Variants in EXOC2 observed in about 807,000 individuals in gnomAD.
EXOC2 encodes SEC5-like 1.
A neutral mutation model predicts 131.8 loss-of-function variants in EXOC2; 70 were observed. The ratio of observed to expected loss-of-function variants is 0.53; its 90% CI spans 0.44 to 0.65. The LOEUF is 0.65. EXOC2 is among the 30% of genes least tolerant of loss of function. The pLI is 0.00. For synonymous variants in EXOC2, 411 were observed against 398.4 expected (o/e 1.03, Z -0.38); for missense variants, 923 against 1,108.6 (o/e 0.83, Z 2.38).
intron 21 of EXOC2, 47 bp downstream of exon 21, chr6:553,807 T>C (rs764174643): frequency 4.6e-6 from 7 of 1,520,166 alleles, no homozygotes; most frequent in Non-Finnish European, 5.5e-6. Flanking sequence ...GAAATTGTTG[T>C]TACACAGTTT....
chr6:658,665 A>ATT (rs10657323), intron 1 of EXOC2, among the ~76,000 whole-genome samples: 8,075 of 115,496 alleles, frequency 0.07, 552 homozygotes, highest in Non-Finnish European at 0.1. Context: ...ATATATATAT[A>ATT]TTTTTTTTTT....
rs1168126087 is a variant in EXOC2 at position 607,836 on chromosome 6, T to C, written c.742+2262A>G. Among the ~76,000 whole-genome samples, 4 of 152,124 alleles carry C rather than the reference T, an allele frequency of 2.6e-5. No homozygotes were observed. The East Asian group carries it at 7.7e-4, about 29-fold the overall frequency. ...ACACAGACATGAGAAACACATATCA[T>C]GAAAACAAAAAACAATTTCTTTTTT... On this transcript the variant is annotated intron_variant, in intron 7 of 27. Coordinates refer to ENST00000230449, the MANE Select transcript of EXOC2 (RefSeq NM_018303.6).
In EXOC2 at chr6:533,051, TA is replaced by T. The variant is rs1330403603; in HGVS notation, c.2239-442del. On this transcript the variant is annotated intron_variant, in intron 22 of 27. Transcript: ENST00000230449. ...CCAGTGGAAGGGGAAGAGAGCCCCT[TA>T]TAAAACCATTAGATCCCATTAGAAC... is the stretch of plus-strand genomic sequence containing the variant. Among the ~76,000 whole-genome samples, 7 of 152,154 alleles carry T rather than the reference TA, an allele frequency of 4.6e-5. No homozygotes were observed. In the East Asian group the frequency reaches 1.4e-3, roughly 29 times the overall value.
rs1388866598 is a variant in EXOC2 at position 489,114 on chromosome 6, A to T, written c.2622-76T>A. On this transcript the variant is annotated intron_variant, in intron 26 of 27. Transcript: ENST00000230449. The stretch of plus-strand genomic sequence containing the variant: ...CTGACAAATTCTTAAGCATCCCTTA[A>T]TTATTGAGAAGCCAATAAAAGCCAG... 2.2e-6 allele frequency: 3 copies of T among 1,370,390 alleles called. No homozygotes were observed. The African/African-American group carries it at 4.3e-5, about 20-fold the overall frequency. 84.9% of individuals were successfully genotyped at this position (1,370,390 alleles called of 1,614,324 possible). A position where few individuals can be genotyped will look rare whatever the true frequency, so the allele number is the denominator to read the frequency against.
intron 22 of EXOC2, among the ~76,000 whole-genome samples, chr6:546,389 T>C (rs1389822028): frequency 6.6e-6 from 1 of 152,172 alleles, no homozygotes; most frequent in Non-Finnish European, 1.5e-5. Context: ...AGAAGATGAT[T>C]TGGATACCCT....
rs375344491 is a variant in EXOC2 at position 524,765 on chromosome 6, C to T, written c.2380+7704G>A. 7 of 152,228 alleles carry T rather than the reference C, an allele frequency of 4.6e-5. No individual in the cohort carries two copies. The South Asian group carries it at 1.5e-3, about 32-fold the overall frequency. 9.4% of individuals were successfully genotyped at this position (152,228 alleles called of 1,614,324 possible). A position where few individuals can be genotyped will look rare whatever the true frequency, so the allele number is the denominator to read the frequency against. On this transcript the variant is annotated intron_variant, in intron 23 of 27. Coordinates refer to ENST00000230449, the MANE Select transcript of EXOC2 (RefSeq NM_018303.6). ...CAACTTAATAAATATAGAAATTTTT[C>T]TATATTTAATCATCTTTTAAAAAAT...
At chr6:624,156 A>G (rs9405862) in intron 4 of EXOC2, among the ~76,000 whole-genome samples, 138,635 of 152,224 alleles carry the variant, frequency 0.91, 63,319 homozygotes, top group East Asian at 1. Flanking sequence ...TAAATGAGTT[A>G]GAAAAAACAA....
At chr6:637,231 T>G (rs1440957518) in intron 2 of EXOC2, among the ~76,000 whole-genome samples, 1 of 152,122 alleles carries the variant, frequency 6.6e-6, no homozygotes, top group Non-Finnish European at 1.5e-5. Context: ...TGAGGACACA[T>G]GCCCGCCAGG....
chr6:499,470 CACAG>C (rs1394946840), intron 24 of EXOC2, among the ~76,000 whole-genome samples, 171 bp downstream of exon 24: 1 of 145,126 alleles, frequency 6.9e-6, no homozygotes, highest in Non-Finnish European at 1.5e-5. Context: ...CACACACACA[CACAG>C]AGACAGAGAG....
intron 1 of EXOC2, among the ~76,000 whole-genome samples, chr6:675,201 G>C (rs1764053670): frequency 1.3e-5 from 2 of 152,104 alleles, no homozygotes; most frequent in African/African-American, 2.4e-5. Flanking sequence ...CATTTTAAAA[G>C]TCTTCCCTTT....
chr6:533,068 C>T (rs1766193682), intron 22 of EXOC2, among the ~76,000 whole-genome samples: 1 of 151,990 alleles, frequency 6.6e-6, no homozygotes, highest in Non-Finnish European at 1.5e-5. Flanking sequence ...CCATTAGATC[C>T]CATTAGAACT....
At chr6:619,323 C>A in intron 5 of EXOC2, 107 bp downstream of exon 5, 1 of 828,346 alleles carries the variant, frequency 1.2e-6, no homozygotes, top group South Asian at 1.7e-5. Context: ...AGACCTAAAA[C>A]CATGTAACTG....
At chr6:557,436 G>A (rs1757472714) in intron 17 of EXOC2, among the ~76,000 whole-genome samples, 2 of 152,014 alleles carry the variant, frequency 1.3e-5, no homozygotes, top group African/African-American at 4.8e-5. Flanking sequence ...TGGCCAACAT[G>A]GTGAAAACCC....
intron 23 of EXOC2, among the ~76,000 whole-genome samples, chr6:514,833 AG>A (rs1319812245): frequency 1.3e-5 from 2 of 152,100 alleles, no homozygotes; most frequent in Non-Finnish European, 2.9e-5. Context: ...TCCCAGGAGG[AG>A]GGGAGGAGGG....
chr6:539,671 T>G (rs1766692856), intron 22 of EXOC2, among the ~76,000 whole-genome samples: 1 of 152,276 alleles, frequency 6.6e-6, no homozygotes, highest in Non-Finnish European at 1.5e-5. Context: ...ATTTGTGATT[T>G]TAAAAACTTT....
At chr6:495,346 G>C (rs575481744) in intron 25 of EXOC2, among the ~76,000 whole-genome samples, 51 of 151,240 alleles carry the variant, frequency 3.4e-4, no homozygotes, top group Middle Eastern at 3.4e-3. Context: ...GGATGGTCTC[G>C]ATCTCCTGAC....
At chr6:636,687 G>A (rs1762116701) in intron 2 of EXOC2, among the ~76,000 whole-genome samples, 1 of 152,184 alleles carries the variant, frequency 6.6e-6, no homozygotes, top group African/African-American at 2.4e-5. Context: ...TCAAGAGAAT[G>A]TCTGAGTCCA....
intron 13 of EXOC2, among the ~76,000 whole-genome samples, chr6:570,970 T>A (rs1346620136): frequency 6.6e-6 from 1 of 152,150 alleles, no homozygotes; most frequent in African/African-American, 2.4e-5. Context: ...GACCTCAGCA[T>A]GGTGAGCCCC....
rs377663752 is a variant in EXOC2 at position 564,066 on chromosome 6, A to G, written c.1756T>C (p.Cys586Arg). The stretch of plus-strand genomic sequence containing the variant: ...GTGTGCTGCAACGTGGCCATTACGC[A>G]ACGTACTCGGAGATCCAAGATGAGA... ...QDLILDLRVR[C>R]VMATLQHTAE... The change falls in exon 16 of 28, where the codon TGC (cysteine) becomes CGC (arginine). Residue 586 changes from cysteine (C) to arginine (R), a missense_variant. By Grantham distance (180) the Cys-to-Arg change is radical. Coordinates refer to ENST00000230449, the MANE Select transcript of EXOC2 (RefSeq NM_018303.6). 1.2e-6 allele frequency: 2 copies of G among 1,614,028 alleles called. No individual in the cohort carries two copies. The highest frequency in any genetic ancestry group is 1.7e-6 in the Non-Finnish European group (2 of 1,180,036).
Sources: allele counts gnomAD v4.1 joint callset (sites outside exome capture counted in the v4.1 genomes callset), GRCh38; gene constraint gnomAD v4.1.1; transcripts MANE v1.5; gene names NCBI Gene and HGNC (gene_info 2026-07-23, HGNC 2026-07-21).